The following PIGK variants were observed in gnomAD, a reference collection of about 807,000 sequenced individuals.
The protein encoded by PIGK is phosphatidylinositol glycan anchor biosynthesis class K, also known as GPI-anchor transamidase.
A neutral mutation model predicts 50.6 loss-of-function variants in PIGK; 42 were observed. The ratio of observed to expected loss-of-function variants is 0.83; its 90% CI spans 0.65 to 1.07. The LOEUF (loss-of-function observed/expected upper bound fraction) is 1.07. Ranked by LOEUF, PIGK falls within the 50% of genes least tolerant of loss-of-function variation. The pLI is 0.00. For missense variants in PIGK, 448 were observed against 488.7 expected (o/e 0.92, Z 0.78); for synonymous variants, 151 against 156.0 (o/e 0.97, Z 0.24).
intron 10 of PIGK, among the ~76,000 whole-genome samples, chr1:77,105,188 G>T (rs1653638464): frequency 1.3e-5 from 2 of 152,044 alleles, no homozygotes; most frequent in African/African-American, 2.4e-5. Flanking sequence ...CTGAAGTCAG[G>T]TTATCTCTTC....
At chr1:77,148,507 T>C (rs1265556516) in intron 9 of PIGK, among the ~76,000 whole-genome samples, 1 of 152,172 alleles carries the variant, frequency 6.6e-6, no homozygotes, top group East Asian at 1.9e-4. Context: ...TGCTAATACA[T>C]ACAAATAATT....
chr1:77,097,784 G>A (rs750069413), intron 10 of PIGK, among the ~76,000 whole-genome samples: 7 of 151,574 alleles, frequency 4.6e-5, no homozygotes, highest in Admixed American at 1.3e-4. Context: ...TAAAGGGCTC[G>A]GATTTCATAT....
chr1:77,157,614 C>T (rs1220295024), intron 8 of PIGK, among the ~76,000 whole-genome samples: 1 of 152,102 alleles, frequency 6.6e-6, no homozygotes, highest in African/African-American at 2.4e-5. Flanking sequence ...GTTAAAGTAG[C>T]ATTATCACAA....
intron 1 of PIGK, among the ~76,000 whole-genome samples, chr1:77,216,718 A>G (rs1656576180): frequency 6.6e-6 from 1 of 152,120 alleles, no homozygotes. Flanking sequence ...ACAGTGGTTA[A>G]GCATTGATTT....
intron 10 of PIGK, among the ~76,000 whole-genome samples, chr1:77,112,211 C>A (rs1570189965): frequency 7.8e-6 from 1 of 128,110 alleles, no homozygotes; most frequent in East Asian, 2.1e-4. Context: ...CATGCATATA[C>A]CAGTTTTAAA....
chr1:77,116,595 T>TGC (rs1291014581), intron 10 of PIGK, among the ~76,000 whole-genome samples: 83 of 92,208 alleles, frequency 9.0e-4, no homozygotes, highest in Non-Finnish European at 1.3e-3. Context: ...TGTGTGTGTG[T>TGC]GCGCGTGTGT....
intron 10 of PIGK, among the ~76,000 whole-genome samples, chr1:77,107,398 T>A (rs1653712538): frequency 6.6e-6 from 1 of 152,228 alleles, no homozygotes; most frequent in Non-Finnish European, 1.5e-5. Flanking sequence ...GTTGAGCAGT[T>A]TTCAGTGAGT....
At chr1:77,123,381 ATG>A (rs1273712534) in intron 9 of PIGK, among the ~76,000 whole-genome samples, 1 of 152,216 alleles carries the variant, frequency 6.6e-6, no homozygotes, top group East Asian at 1.9e-4. Context: ...AAGGAATCTA[ATG>A]AGAACTCTAG....
intron 9 of PIGK, among the ~76,000 whole-genome samples, chr1:77,147,647 CA>C (rs1464378940): frequency 6.6e-6 from 1 of 152,162 alleles, no homozygotes; most frequent in Non-Finnish European, 1.5e-5. Context: ...CCACCAGATT[CA>C]AAAAACCCAA....
chr1:77,172,750 C>T (rs925910679), intron 3 of PIGK, among the ~76,000 whole-genome samples: 3 of 151,794 alleles, frequency 2.0e-5, no homozygotes, highest in Non-Finnish European at 4.4e-5. Flanking sequence ...GGTGAAACCC[C>T]GTCTCTACAA....
intron 9 of PIGK, among the ~76,000 whole-genome samples, chr1:77,139,225 T>C (rs1020353956): frequency 2.0e-5 from 3 of 152,020 alleles, no homozygotes; most frequent in Non-Finnish European, 4.4e-5. Context: ...TTAGCGTCTA[T>C]GTGTTTTTTC....
rs1039142072 is a variant in PIGK, at chr1:77,090,903, C to CTAGGGAGAT, written c.*1462_*1470dup. ...AAAGCCTCAATATCATTTGTTCTAA[C>CTAGGGAGAT]TAGGGAGATAACACAGTCAATCCTT... On this transcript the variant is annotated 3_prime_UTR_variant, in exon 11 of 11. Transcript: ENST00000370812. The CTAGGGAGAT allele has an allele frequency of 2.6e-5, 4 of 152,116 alleles. No homozygotes were observed. Among genetic ancestry groups the CTAGGGAGAT allele is most frequent in the African/African-American group, 9.7e-5 (4 of 41,424 alleles). 9.4% of individuals were successfully genotyped at this position (152,116 alleles called of 1,614,324 possible).
At chr1:77,173,468 T>A (rs1189487323) in intron 3 of PIGK, among the ~76,000 whole-genome samples, 1 of 152,098 alleles carries the variant, frequency 6.6e-6, no homozygotes, top group Non-Finnish European at 1.5e-5. Context: ...CCCCCAGAAC[T>A]ATGGTGTGGT....
intron 3 of PIGK, among the ~76,000 whole-genome samples, chr1:77,190,263 T>C (rs1655868166): frequency 6.6e-6 from 1 of 151,862 alleles, no homozygotes. Context: ...TAGCTGATTG[T>C]GATATCGCAT....
chr1:77,100,703 A>C (rs1211711157), intron 10 of PIGK, among the ~76,000 whole-genome samples: 1 of 152,180 alleles, frequency 6.6e-6, no homozygotes, highest in Non-Finnish European at 1.5e-5. Flanking sequence ...GGCCCTTTAA[A>C]AGGAGGTCTA....
intron 3 of PIGK, among the ~76,000 whole-genome samples, chr1:77,174,190 A>C (rs989581431): frequency 6.6e-6 from 1 of 152,146 alleles, no homozygotes; most frequent in Non-Finnish European, 1.5e-5. Context: ...CTGTATTACA[A>C]TTTTCTTTCT....
chr1:77,160,590 A>C (rs930925956), intron 8 of PIGK, among the ~76,000 whole-genome samples: 4 of 152,230 alleles, frequency 2.6e-5, no homozygotes, highest in Admixed American at 2.0e-4. Context: ...TTTATGAAAG[A>C]ATAAACAGAC....
intron 9 of PIGK, among the ~76,000 whole-genome samples, chr1:77,131,041 T>C (rs1457195655): frequency 1.3e-5 from 2 of 152,072 alleles, no homozygotes; most frequent in Non-Finnish European, 2.9e-5. Flanking sequence ...AATTTATTCT[T>C]CTCATCCCTA....
intron 9 of PIGK, chr1:77,129,444 T>A (rs1334790050): frequency 6.9e-7 from 1 of 1,454,732 alleles, no homozygotes; most frequent in Admixed American, 1.7e-5. Context: ...AGATGTAGAT[T>A]CTCTGGTCAT....
Sources: gnomAD v4.1 joint callset for allele counts (sites outside exome capture counted in the v4.1 genomes callset) on GRCh38, gnomAD v4.1.1 for gene constraint, MANE v1.5 for transcripts, NCBI Gene and HGNC (gene_info 2026-07-23, HGNC 2026-07-21) for gene names.